Variants in RMDN2 observed in about 807,000 individuals in gnomAD.
RMDN2 encodes regulator of microtubule dynamics protein 2.
RMDN2 carries 61 observed loss-of-function variants against 52.8 expected under a neutral mutation model. The observed-to-expected ratio is 1.16, with a 90% CI of 0.94 to 1.43. The LOEUF (loss-of-function observed/expected upper bound fraction) is 1.43. Ranked by LOEUF, RMDN2 falls within the 40% of genes most tolerant of loss-of-function variation. RMDN2 has a pLI of 0.00. For synonymous variants in RMDN2, 180 were observed against 153.1 expected, an observed-to-expected ratio of 1.18 and a Z score of -1.30; for missense variants, 592 against 475.3, an observed-to-expected ratio of 1.25 and a Z score of -2.28.
intron 10 of RMDN2, among the ~76,000 whole-genome samples, chr2:38,006,573 G>C (rs1677117439): frequency 6.6e-6 from 1 of 152,188 alleles, no homozygotes; most frequent in East Asian, 1.9e-4. Flanking sequence ...AGACTTTGCT[G>C]AAGTTGCCTA....
rs1040512706 is a variant in RMDN2, at chr2:37,939,787, C to T, written c.452+10058C>T. On this transcript the variant is annotated intron_variant, in intron 2 of 10. Transcript: ENST00000354545. ...TATTTTGTGCATATGGGTGTCTTTG[C>T]ATGTGAGATGGGTCCCCTAAATACA... 2.0e-5 allele frequency among the ~76,000 whole-genome samples: 3 copies of T among 152,172 alleles called. No individual in the cohort carries two copies. In the East Asian group the frequency reaches 5.8e-4, roughly 29 times the overall value.
chr2:37,967,512 T>C (rs1271868628), intron 2 of RMDN2, among the ~76,000 whole-genome samples: 1 of 152,242 alleles, frequency 6.6e-6, no homozygotes, highest in Non-Finnish European at 1.5e-5. Context: ...AGAAATGTCA[T>C]GGCAACAGAC....
intron 4 of RMDN2, among the ~76,000 whole-genome samples, chr2:37,977,873 A>T (rs1053714286): frequency 6.6e-5 from 10 of 151,358 alleles, no homozygotes; most frequent in African/African-American, 2.4e-4. Context: ...CACATCCCGG[A>T]CGATGGGCGG....
Position 37,952,246 on chromosome 2 carries a change from T to C in RMDN2, c.453-21794T>C, listed in dbSNP as rs775215166. On this transcript the variant is annotated intron_variant, in intron 2 of 10. Coordinates refer to ENST00000354545, the MANE Select transcript of RMDN2 (RefSeq NM_001170791.3). ...TCTCTTAGAAGGGCACCTCAAATAG[T>C]TTTCCCACCAGTCACTTTCATAGCC... 1.4e-5 allele frequency: 22 copies of C among 1,586,210 alleles called. No homozygotes were observed. In the South Asian group the frequency reaches 2.5e-4, roughly 18 times the overall value.
intron 2 of RMDN2, among the ~76,000 whole-genome samples, chr2:37,932,099 G>A (rs1047955517): frequency 1.3e-5 from 2 of 151,992 alleles, no homozygotes; most frequent in Non-Finnish European, 2.9e-5. Context: ...ATTCTTGGGT[G>A]TTTCTCGCAG....
upstream of RMDN2, among the ~76,000 whole-genome samples, chr2:37,925,126 C>A (rs1254343470): frequency 6.6e-6 from 1 of 152,176 alleles, no homozygotes; most frequent in Non-Finnish European, 1.5e-5. Flanking sequence ...ACGGCCGAGA[C>A]ACACGGTCCG....
chr2:38,064,218 G>T (rs1159068207), intron 10 of RMDN2, among the ~76,000 whole-genome samples: 2 of 152,106 alleles, frequency 1.3e-5, no homozygotes, highest in African/African-American at 4.8e-5. Context: ...TGAGATTAGG[G>T]GCCGGGTGCA....
rs375232883 is a variant in RMDN2, at chr2:37,975,255, A to G, written c.671A>G (p.Tyr224Cys). 3.7e-6 allele frequency: 6 copies of G among 1,611,466 alleles called. No homozygotes were observed. Among genetic ancestry groups the G allele is most frequent in the Non-Finnish European group, 5.1e-6 (6 of 1,177,834 alleles). ...TTTATGTGGCGATTTGCTCGTGCTT[A>G]TGGAGACATGTATGAACTATCTACA... Reference protein sequence around the residue: ...IEFMWRFARAYGDMYELSTNT... With the variant: ...IEFMWRFARACGDMYELSTNT... Residue 224 changes from tyrosine to cysteine, a missense_variant, in exon 4 of 11, where the codon TAT (tyrosine) becomes TGT (cysteine). Transcript: ENST00000354545.
At chr2:37,928,325 A>T (rs2124882309) in intron 1 of RMDN2, among the ~76,000 whole-genome samples, 1 of 152,348 alleles carries the variant, frequency 6.6e-6, no homozygotes, top group African/African-American at 2.4e-5. Flanking sequence ...GAGCCCAGAA[A>T]TCCTAACCAG....
At chr2:38,004,374 T>A (rs1196041332) in intron 10 of RMDN2, among the ~76,000 whole-genome samples, 158 bp downstream of exon 10, 2 of 152,246 alleles carry the variant, frequency 1.3e-5, no homozygotes, top group African/African-American at 4.8e-5. Context: ...ACAAAAACTA[T>A]ATGTATACAG....
In RMDN2 at chr2:38,064,516, G is replaced by A. The variant is rs1682190020; in HGVS notation, c.1714-2466G>A. On this transcript the variant is annotated intron_variant, in intron 10 of 10. Coordinates refer to the RMDN2 transcript ENST00000234195. ...AAAAAAAAAAGAAAGAAAGAAACAG[G>A]TTAGACTTCAAGAGTACCAATTGAA... Among the ~76,000 whole-genome samples, 8 of 151,942 alleles carry A rather than the reference G, an allele frequency of 5.3e-5. No homozygotes were observed. The South Asian group carries it at 1.7e-3, about 32-fold the overall frequency.
upstream of RMDN2, among the ~76,000 whole-genome samples, chr2:37,922,421 T>TA (rs111938013): frequency 0.26 from 36,819 of 144,274 alleles, 4,709 homozygotes; most frequent in African/African-American, 0.35. Flanking sequence ...AAATAAAACC[T>TA]AAAAAAAAAA....
At chr2:37,983,828 T>C (rs1175440955) in intron 5 of RMDN2, among the ~76,000 whole-genome samples, 1 of 152,214 alleles carries the variant, frequency 6.6e-6, no homozygotes, top group East Asian at 1.9e-4. Context: ...ATAAGACATA[T>C]TCTCATTCAT....
intron 4 of RMDN2, among the ~76,000 whole-genome samples, chr2:37,976,598 A>T (rs1462450518): frequency 6.6e-6 from 1 of 152,106 alleles, no homozygotes; most frequent in Non-Finnish European, 1.5e-5. Flanking sequence ...TGGGAGGAGG[A>T]TGAGAGGGCT....
intron 2 of RMDN2, among the ~76,000 whole-genome samples, chr2:37,944,850 C>T (rs910134750): frequency 6.6e-6 from 1 of 152,062 alleles, no homozygotes; most frequent in Non-Finnish European, 1.5e-5. Flanking sequence ...CTGAGAGATA[C>T]TTGAGCGTAT....
At chr2:37,941,522 C>G (rs532154896) in intron 2 of RMDN2, among the ~76,000 whole-genome samples, 1 of 152,316 alleles carries the variant, frequency 6.6e-6, no homozygotes, top group African/African-American at 2.4e-5. Context: ...TTGCTCTGTC[C>G]CAGGGAAACT....
intron 5 of RMDN2, among the ~76,000 whole-genome samples, chr2:37,988,187 T>C (rs1674295023): frequency 6.6e-6 from 1 of 152,238 alleles, no homozygotes; most frequent in Non-Finnish European, 1.5e-5. Flanking sequence ...TTATTAATTT[T>C]TTAAATAAAA....
downstream of RMDN2, among the ~76,000 whole-genome samples, chr2:38,021,387 C>T (rs545955180): frequency 1.3e-5 from 2 of 152,238 alleles, no homozygotes; most frequent in East Asian, 1.9e-4. Flanking sequence ...CTGGGGTCCC[C>T]CTCTGCACTG....
intron 5 of RMDN2, among the ~76,000 whole-genome samples, chr2:37,989,269 C>T (rs1026257463): frequency 1.3e-5 from 2 of 152,060 alleles, no homozygotes; most frequent in Non-Finnish European, 2.9e-5. Flanking sequence ...TCCTTATGTC[C>T]TGGTCACTGT....
Sources: gnomAD v4.1 joint callset for allele counts (sites outside exome capture counted in the v4.1 genomes callset) on GRCh38, gnomAD v4.1.1 for gene constraint, MANE v1.5 for transcripts, NCBI Gene and HGNC (gene_info 2026-07-23, HGNC 2026-07-21) for gene names.